The following IGF1R variants were observed in gnomAD, a reference collection of about 807,000 sequenced individuals.
IGF1R encodes the protein insulin like growth factor 1 receptor.
A neutral mutation model predicts 144.6 loss-of-function variants in IGF1R; 44 were observed. That is an observed-to-expected ratio of 0.30 (90% CI 0.24 to 0.39). IGF1R has a LOEUF of 0.39. Ranked by LOEUF, IGF1R falls within the 10% of genes least tolerant of loss-of-function variation. The probability of loss-of-function intolerance (pLI) is 1.00; values close to 1 mark genes in which losing one functional copy is unlikely to be tolerated. For missense variants in IGF1R, 1,355 were observed against 1,833.7 expected (o/e 0.74, Z 4.77); for synonymous variants, 795 against 722.8 (o/e 1.10, Z -1.60).
In IGF1R at chr15:98,891,696, C is replaced by T. The variant is rs942678216; in HGVS notation, c.953+59C>T. On this transcript the variant is annotated intron_variant, in intron 3 of 20. Transcript: ENST00000650285. This position sits in a 1 kb window ranked among gnomAD's most constrained non-coding sequence, Gnocchi z 4.7. The stretch of plus-strand genomic sequence containing the variant: ...CCCCACCTCACCCGCCACCCTAGCA[C>T]ACAAAGGTAGACTCTGTCGGTTGTT... 2.0e-6 allele frequency: 3 copies of T among 1,524,998 alleles called. No homozygotes were observed. Among genetic ancestry groups the T allele is most frequent in the African/African-American group, 2.7e-5 (2 of 73,580 alleles). 94.5% of individuals were successfully genotyped at this position (1,524,998 alleles called of 1,614,324 possible).
chr15:98,874,026 C>T (rs947114902), intron 2 of IGF1R, among the ~76,000 whole-genome samples: 4 of 152,124 alleles, frequency 2.6e-5, no homozygotes, highest in Non-Finnish European at 5.9e-5. Flanking sequence ...AGCCCTGCGG[C>T]GCTTCCTCTG....
intron 19 of IGF1R, 117 bp from the exon 20 acceptor site, chr15:98,948,457 T>C: frequency 9.1e-7 from 1 of 1,103,848 alleles, no homozygotes; most frequent in Non-Finnish European, 1.4e-6. Context: ...TGACAAGCAC[T>C]GTCACCATAG....
At chr15:98,956,990 G>A (rs2017015036) in intron 20 of IGF1R, 71 bp from the exon 21 acceptor site, 4 of 1,542,550 alleles carry the variant, frequency 2.6e-6, no homozygotes, top group African/African-American at 1.4e-5. Flanking sequence ...ACCACTGCAG[G>A]CGGCCCATGA....
At chr15:98,687,395 T>C (rs566923396) in intron 1 of IGF1R, among the ~76,000 whole-genome samples, 1 of 152,202 alleles carries the variant, frequency 6.6e-6, no homozygotes, top group African/African-American at 2.4e-5. Context: ...CTCGGTGTCT[T>C]GGAGTTTAGA....
At chr15:98,905,413 T>C (rs1369124071) in intron 5 of IGF1R, among the ~76,000 whole-genome samples, 1 of 151,998 alleles carries the variant, frequency 6.6e-6, no homozygotes, top group Non-Finnish European at 1.5e-5. Context: ...TCCCAGCACT[T>C]TGGAAGACCA....
chr15:98,941,693 T>TGA (rs2016371816), intron 18 of IGF1R, among the ~76,000 whole-genome samples: 4 of 152,202 alleles, frequency 2.6e-5, no homozygotes, highest in Non-Finnish European at 5.9e-5. Context: ...GACAAGTAAT[T>TGA]TTACCAGAGG....
intron 2 of IGF1R, among the ~76,000 whole-genome samples, chr15:98,875,959 A>G (rs1287664941): frequency 6.6e-6 from 1 of 152,202 alleles, no homozygotes; most frequent in Non-Finnish European, 1.5e-5. Context: ...TAGTAACAGT[A>G]GGCTTTGTCA....
chr15:98,857,694 C>T (rs906470926), intron 2 of IGF1R, among the ~76,000 whole-genome samples: 8 of 152,090 alleles, frequency 5.3e-5, no homozygotes, highest in Non-Finnish European at 1.0e-4. Context: ...GCTAGTGCTA[C>T]GGAGGAACTG....
intron 2 of IGF1R, among the ~76,000 whole-genome samples, chr15:98,874,707 C>T (rs1450044140): frequency 3.3e-5 from 5 of 152,184 alleles, no homozygotes; most frequent in Admixed American, 1.3e-4. Flanking sequence ...CTCCAGAATT[C>T]GAAGACCCCT....
At chr15:98,677,759 C>G (rs1165650611) in intron 1 of IGF1R, among the ~76,000 whole-genome samples, 1 of 152,190 alleles carries the variant, frequency 6.6e-6, no homozygotes. Flanking sequence ...AATGACAGGT[C>G]AGCAAGCGCT....
chr15:98,914,526 A>G (rs752182961), intron 8 of IGF1R, among the ~76,000 whole-genome samples: 19 of 152,200 alleles, frequency 1.2e-4, no homozygotes, highest in Non-Finnish European at 2.6e-4. Context: ...GCTTATTGAA[A>G]CAAAATTGGC....
chr15:98,959,760 T>C lies in IGF1R; in HGVS notation c.*2318T>C, dbSNP rs1020983425. On this transcript the variant is annotated 3_prime_UTR_variant, in exon 21 of 21. Coordinates refer to ENST00000650285, the MANE Select transcript of IGF1R (RefSeq NM_000875.5). ...GGTGATTGCTAGTTGTGACTGAAGA[T>C]TCAACACAGAAAAGAAAGTTTATAC... The C allele has an allele frequency of 1.7e-5, 4 of 233,216 alleles. No homozygotes were observed. The highest frequency in any genetic ancestry group is 3.4e-5 in the Non-Finnish European group (4 of 118,030). The allele number at this position is 233,216 out of a possible 1,614,324, so 14.4% of individuals were successfully genotyped here.
intron 2 of IGF1R, among the ~76,000 whole-genome samples, chr15:98,890,168 G>A (rs560081043): frequency 2.5e-4 from 38 of 152,282 alleles, no homozygotes; most frequent in Admixed American, 8.5e-4. Context: ...ACTTGTCAGA[G>A]GCATTGAAAC....
intron 2 of IGF1R, among the ~76,000 whole-genome samples, chr15:98,717,468 A>G (rs1182132098): frequency 1.3e-5 from 2 of 152,220 alleles, no homozygotes; most frequent in African/African-American, 2.4e-5. Context: ...TCTAAATTGT[A>G]GAATTTCAAT....
At chr15:98,832,135 A>G (rs1297031170) in intron 2 of IGF1R, among the ~76,000 whole-genome samples, 1 of 152,138 alleles carries the variant, frequency 6.6e-6, no homozygotes, top group Non-Finnish European at 1.5e-5. Context: ...CTTTTGCCCC[A>G]AACTCACATT....
At chr15:98,666,384 T>G (rs1480007672) in intron 1 of IGF1R, among the ~76,000 whole-genome samples, 1 of 152,070 alleles carries the variant, frequency 6.6e-6, no homozygotes, top group East Asian at 1.9e-4. Context: ...TTGGGGTATA[T>G]GCCCAAAAAG....
At chr15:98,921,591 G>A (rs2015490596) in intron 10 of IGF1R, among the ~76,000 whole-genome samples, 1 of 151,998 alleles carries the variant, frequency 6.6e-6, no homozygotes, top group Non-Finnish European at 1.5e-5. Flanking sequence ...GAGCCCCCAA[G>A]AAGAGAGAGC....
chr15:98,928,103 G>A (rs151257902), intron 13 of IGF1R, among the ~76,000 whole-genome samples: 1 of 152,238 alleles, frequency 6.6e-6, no homozygotes, highest in Non-Finnish European at 1.5e-5. Context: ...CAAGCCTCAT[G>A]GATTCTGCCT....
rs540722238 is a variant in IGF1R at position 98,960,018 on chromosome 15, A to T, written c.*2576A>T. ...GGTGTGTGTGTGTGAGAGTGATGGGACAGTTCTTGATTTTTTGGGTTTTTT... is the reference window on the plus strand; with the variant it reads ...GGTGTGTGTGTGTGAGAGTGATGGGTCAGTTCTTGATTTTTTGGGTTTTTT... On this transcript the variant is annotated 3_prime_UTR_variant, in exon 21 of 21. Coordinates refer to ENST00000650285, the MANE Select transcript of IGF1R (RefSeq NM_000875.5). The T allele has an allele frequency of 4.3e-6, 1 of 233,320 alleles. No individual in the cohort carries two copies. Among genetic ancestry groups the T allele is most frequent in the South Asian group, 1.8e-4 (1 of 5,508 alleles). The allele number at this position is 233,320 out of a possible 1,614,324, so 14.5% of individuals were successfully genotyped here. A position where few individuals can be genotyped will look rare whatever the true frequency, so the allele number is the denominator to read the frequency against.
Sources: gnomAD v4.1 joint callset for allele counts (sites outside exome capture counted in the v4.1 genomes callset) on GRCh38, gnomAD v4.1.1 for gene constraint, Gnocchi (gnomAD v3.1) non-coding constraint, MANE v1.5 for transcripts, NCBI Gene and HGNC (gene_info 2026-07-23, HGNC 2026-07-21) for gene names.